Variants in POTEI observed in about 807,000 individuals in gnomAD.
The protein encoded by POTEI is POTE ankyrin domain family member I.
POTEI carries 14 observed loss-of-function variants against 43.4 expected under a neutral mutation model. The observed-to-expected ratio is 0.32, with a 90% confidence interval of 0.21 to 0.50. The LOEUF (loss-of-function observed/expected upper bound fraction) is 0.50. Among genes scored for constraint, POTEI ranks in the 20% least tolerant of loss-of-function variants. The pLI is 0.98. For synonymous variants in POTEI, 95 were observed against 297.9 expected, an observed-to-expected ratio of 0.32 and a Z score of 7.01; for missense variants, 235 against 795.4, an observed-to-expected ratio of 0.30 and a Z score of 8.47.
intron 13 of POTEI, among the ~76,000 whole-genome samples, chr2:130,467,713 G>A (rs549121249): frequency 1.3e-4 from 20 of 152,200 alleles, no homozygotes; most frequent in Admixed American, 5.2e-4. Flanking sequence ...AAATTATGAC[G>A]CTAACAAACG....
rs2105030338 is a variant in POTEI, at chr2:130,459,961, C to T, written c.*2855G>A. 6.9e-6 allele frequency: 1 copy of T among 145,872 alleles called. No individual in the cohort carries two copies. The highest frequency in any genetic ancestry group is 2.1e-4 in the South Asian group (1 of 4,794). 9.0% of individuals were successfully genotyped at this position (145,872 alleles called of 1,614,324 possible). On this transcript the variant is annotated 3_prime_UTR_variant, in exon 15 of 15. Coordinates refer to ENST00000451531, the MANE Select transcript of POTEI (RefSeq NM_001277406.2). ...GGTGTGTGCTGCACTCCTGTGTGCTCTCAGGGCAAGTAAAGCAAAACCCAC... is the reference window on the plus strand; with the variant it reads ...GGTGTGTGCTGCACTCCTGTGTGCTTTCAGGGCAAGTAAAGCAAAACCCAC...
rs1683878231 is a variant in POTEI at position 130,495,175 on chromosome 2, A to G, written c.1126+1377T>C. Among the ~76,000 whole-genome samples, 2 of 46,336 alleles carry G rather than the reference A, an allele frequency of 4.3e-5. 1 individual carries two copies. The highest frequency in any genetic ancestry group is 6.1e-4 in the Admixed American group (2 of 3,300). The allele number at this position is 46,336 out of a possible 152,430, so 30.4% of individuals were successfully genotyped here. ...CTTAAATCATACCTACTTTTTCCCAAAACTTTCATTCCTCATATGTCTGGC... is the reference window on the plus strand; with the variant it reads ...CTTAAATCATACCTACTTTTTCCCAGAACTTTCATTCCTCATATGTCTGGC... On this transcript the variant is annotated intron_variant, in intron 6 of 14. Transcript: ENST00000451531.
In POTEI at chr2:130,509,014, C is replaced by T. The variant is rs773288265; in HGVS notation, c.222G>A (p.Gly74=). ...WCCHCFPCCR[G]SGKSNVGTSG... ...AAGTGCCCACGTTGCTCTTGCCACT[C>T]CCCCTGCAGCAGGGGAAGCAGTGGC... The change falls in exon 1 of 15, where the codon GGG becomes GGA. Residue 74 remains glycine (G), a synonymous_variant. Transcript: ENST00000451531. 6 of 1,521,018 alleles carry T rather than the reference C, an allele frequency of 3.9e-6. No individual in the cohort carries two copies. Among genetic ancestry groups the T allele is most frequent in the Non-Finnish European group, 5.4e-6 (6 of 1,108,996 alleles). The allele number at this position is 1,521,018 out of a possible 1,614,324, so 94.2% of individuals were successfully genotyped here.
chr2:130,507,272 GGA>G (rs1282088368), intron 1 of POTEI, among the ~76,000 whole-genome samples: 8,130 of 11,182 alleles, frequency 0.73, 3,022 homozygotes, highest in Middle Eastern at 0.88. Context: ...AAAAAAAAAA[GGA>G]TATATATATA....
At chr2:130,480,131 C>T (rs1228821019) in intron 10 of POTEI, among the ~76,000 whole-genome samples, 4 of 39,074 alleles carry the variant, frequency 1.0e-4, no homozygotes, top group East Asian at 4.3e-3. Flanking sequence ...CGAAAGGAGA[C>T]GTGAGTAAAA....
intron 10 of POTEI, among the ~76,000 whole-genome samples, chr2:130,479,308 A>C (rs1464460795): frequency 6.6e-5 from 10 of 150,972 alleles, no homozygotes; most frequent in Admixed American, 6.6e-4. Context: ...AAAAAGGCAT[A>C]ACGAAGGCCA....
At position 130,479,672 on chromosome 2, in the gene POTEI, T is replaced by G. The variant is rs566356371; in HGVS notation, c.1480+2331A>C. Among the ~76,000 whole-genome samples, 463 of 57,476 alleles carry G rather than the reference T, an allele frequency of 8.1e-3. 24 individuals carry two copies. The highest frequency in any genetic ancestry group is 0.026 in the African/African-American group (390 of 14,768). The allele number at this position is 57,476 out of a possible 152,430, so 37.7% of individuals were successfully genotyped here. The stretch of plus-strand genomic sequence containing the variant: ...CAGAGACCACATAGTCTAAAATATT[T>G]CCCACCTGGTCCTTTAAAGAAAAAG... On this transcript the variant is annotated intron_variant, in intron 10 of 14. Transcript: ENST00000451531.
In POTEI at chr2:130,476,622, T is replaced by C. The variant is rs1683200771; in HGVS notation, c.1551+9A>G. On this transcript the variant is annotated intron_variant, in intron 11 of 14. Transcript: ENST00000451531. Reference sequence around the variant, plus strand: ...TTAAACAAAAGTTTAAATTTAAAAGTTTCCATGCCTCTGGCTGGCCATTTT... The same window carrying C: ...TTAAACAAAAGTTTAAATTTAAAAGCTTCCATGCCTCTGGCTGGCCATTTT... The C allele has an allele frequency of 6.0e-6, 1 of 167,246 alleles. No individual in the cohort carries two copies. Among genetic ancestry groups the C allele is most frequent in the East Asian group, 1.7e-4 (1 of 5,946 alleles). 10.4% of individuals were successfully genotyped at this position (167,246 alleles called of 1,614,324 possible).
At chr2:130,507,424 A>ATG (rs1558896137) in intron 1 of POTEI, among the ~76,000 whole-genome samples, 2 of 119,416 alleles carry the variant, frequency 1.7e-5, no homozygotes, top group Admixed American at 8.8e-5. Flanking sequence ...ATGTATATAT[A>ATG]TATATATCTG....
chr2:130,489,553 G>A lies in POTEI; in HGVS notation c.1198-274C>T, dbSNP rs1256829440. On this transcript the variant is annotated intron_variant, in intron 7 of 14. Coordinates refer to ENST00000451531, the MANE Select transcript of POTEI (RefSeq NM_001277406.2). ...CCTTAGCCCAACGAAGAAAAAAAAC[G>A]TGAACCAGCAAACTTAACTTGGTCA... Among the ~76,000 whole-genome samples the A allele has an allele frequency of 2.0e-3, 18 of 9,038 alleles. 3 individuals carry two copies. Among genetic ancestry groups the A allele is most frequent in the African/African-American group, 2.1e-3 (18 of 8,410 alleles). The allele number at this position is 9,038 out of a possible 152,430, so 5.9% of individuals were successfully genotyped here. A position where few individuals can be genotyped will look rare whatever the true frequency, so the allele number is the denominator to read the frequency against.
chr2:130,491,739 G>A (rs1355099849), intron 6 of POTEI, among the ~76,000 whole-genome samples: 1 of 102,508 alleles, frequency 9.8e-6, no homozygotes, highest in African/African-American at 3.1e-5. Context: ...TGCAACCTCT[G>A]ACACTCCCTG....
At position 130,508,992 on chromosome 2, in the gene POTEI, T is replaced by C. The variant is rs752991056; in HGVS notation, c.244A>G (p.Thr82Ala). ...GCGGAGTCGTCGTGGTCTCCAGAAG[T>C]GCCCACGTTGCTCTTGCCACTCCCC... ...CRGSGKSNVG[T>A]SGDHDDSAMK... is the part of the protein sequence containing the mutation. Residue 82 changes from threonine to alanine, a missense_variant, in exon 1 of 15, where the codon ACT becomes GCT. Physicochemically the swap from Thr to Ala is moderately conservative, Grantham distance 58. Coordinates refer to ENST00000451531, the MANE Select transcript of POTEI (RefSeq NM_001277406.2). 46 of 1,514,250 alleles carry C rather than the reference T, an allele frequency of 3.0e-5. No individual in the cohort carries two copies. Among genetic ancestry groups the C allele is most frequent in the East Asian group, 1.2e-4 (5 of 41,930 alleles). 93.8% of individuals were successfully genotyped at this position (1,514,250 alleles called of 1,614,324 possible).
chr2:130,507,307 TATATATATATACACAC>T (rs1255505890), intron 1 of POTEI, among the ~76,000 whole-genome samples: 27 of 12,392 alleles, frequency 2.2e-3, no homozygotes, highest in Non-Finnish European at 8.4e-3. Flanking sequence ...TATATATATA[TATATATATATACACAC>T]ACACACACAC....
At chr2:130,487,650 G>A (rs1234177042) in intron 9 of POTEI, among the ~76,000 whole-genome samples, 1 of 5,688 alleles carries the variant, frequency 1.8e-4, no homozygotes, top group African/African-American at 2.4e-4. Flanking sequence ...GGAGCGTCAC[G>A]GGAGGGAGAC....
chr2:130,509,015 CCCCTG>C lies in POTEI; in HGVS notation c.216_220del (p.Cys72TrpfsTer78), dbSNP rs1350313755. The C allele has an allele frequency of 6.6e-7, 1 of 1,520,414 alleles. No homozygotes were observed. Among genetic ancestry groups the C allele is most frequent in the Non-Finnish European group, 9.0e-7 (1 of 1,108,930 alleles). 94.2% of individuals were successfully genotyped at this position (1,520,414 alleles called of 1,614,324 possible). On this transcript the variant is annotated frameshift_variant, in exon 1 of 15. Transcript: ENST00000451531. LOFTEE classifies it high-confidence loss of function. ...AGTGCCCACGTTGCTCTTGCCACTCCCCCTGCAGCAGGGGAAGCAGTGGCAGCACC... is the reference window on the plus strand; with the variant it reads ...AGTGCCCACGTTGCTCTTGCCACTCCCAGCAGGGGAAGCAGTGGCAGCACC...
In POTEI at chr2:130,461,133, G is replaced by C. The variant is rs1252497968; in HGVS notation, c.*1683C>G. Reference sequence around the variant, plus strand: ...TATAAGATGTGGCTGGAGGCAAGTTGAGAAGTCTTACCTAGTCAGGACGAA... The same window carrying C: ...TATAAGATGTGGCTGGAGGCAAGTTCAGAAGTCTTACCTAGTCAGGACGAA... On this transcript the variant is annotated 3_prime_UTR_variant, in exon 15 of 15. Transcript: ENST00000451531. 1 of 151,644 alleles carries C rather than the reference G, an allele frequency of 6.6e-6. No homozygotes were observed. The highest frequency in any genetic ancestry group is 1.9e-4 in the East Asian group (1 of 5,178). 9.4% of individuals were successfully genotyped at this position (151,644 alleles called of 1,614,324 possible).
intron 1 of POTEI, among the ~76,000 whole-genome samples, chr2:130,504,874 G>C (rs963399146): frequency 6.9e-6 from 1 of 143,888 alleles, no homozygotes; most frequent in Admixed American, 7.0e-5. Context: ...AAATTTTCTT[G>C]TTTTAAAATG....
At position 130,509,198 on chromosome 2, in the gene POTEI, G is replaced by A. The variant is rs1160799486; in HGVS notation, c.38C>T (p.Ser13Phe). 2.0e-6 allele frequency: 3 copies of A among 1,480,982 alleles called. No individual in the cohort carries two copies. The highest frequency in any genetic ancestry group is 2.7e-6 in the Non-Finnish European group (3 of 1,102,162). The allele number at this position is 1,480,982 out of a possible 1,614,324, so 91.7% of individuals were successfully genotyped here. Residue 13 changes from serine (S) to phenylalanine (F), a missense_variant, in exon 1 of 15, where the codon TCT becomes TTT. Physicochemically the swap from Ser to Phe is radical, Grantham distance 155. Transcript: ENST00000451531. ...AEVDSMPAASSVKKPFVLRSK... is the reference protein window; with the variant it reads ...AEVDSMPAASFVKKPFVLRSK... The stretch of plus-strand genomic sequence containing the variant: ...CCTGAGAACAAATGGCTTCTTCACA[G>A]AAGAGGCAGCCGGCATTGAATCAAC...
chr2:130,468,714 G>T (rs866577448), intron 13 of POTEI, among the ~76,000 whole-genome samples: 3 of 145,130 alleles, frequency 2.1e-5, no homozygotes, highest in Non-Finnish European at 3.0e-5. Flanking sequence ...GGGGGGGGGG[G>T]TATCCTTATT....
Sources: gnomAD v4.1 joint callset for allele counts (sites outside exome capture counted in the v4.1 genomes callset) on GRCh38, gnomAD v4.1.1 for gene constraint, MANE v1.5 for transcripts, NCBI Gene and HGNC (gene_info 2026-07-23, HGNC 2026-07-21) for gene names.